The following THSD7A variants were observed in gnomAD, a reference collection of about 807,000 sequenced individuals.
The protein encoded by THSD7A is thrombospondin type-1 domain-containing protein 7A.
A neutral mutation model predicts 231.3 loss-of-function variants in THSD7A; 96 were observed. That is an observed-to-expected ratio of 0.41 (90% confidence interval 0.35 to 0.49). The LOEUF is 0.49. Among genes scored for constraint, THSD7A ranks in the 20% least tolerant of loss-of-function variants. The pLI, the probability that THSD7A is intolerant of heterozygous loss-of-function variation, is 0.05. For missense variants in THSD7A, 2,290 were observed against 2,070.2 expected (o/e 1.11, Z -2.06); for synonymous variants, 940 against 743.3 (o/e 1.26, Z -4.30).
intron 4 of THSD7A, among the ~76,000 whole-genome samples, chr7:11,549,670 C>T (rs1789542708): frequency 6.6e-6 from 1 of 152,046 alleles, no homozygotes. Flanking sequence ...AGCAAACTAA[C>T]ACAGGAAAAG....
chr7:11,468,961 T>C (rs1257032549), intron 9 of THSD7A, among the ~76,000 whole-genome samples: 1 of 152,086 alleles, frequency 6.6e-6, no homozygotes, highest in Non-Finnish European at 1.5e-5. Flanking sequence ...TTCAACTATA[T>C]AAAAATATAG....
chr7:11,672,113 A>G (rs1287299146), intron 1 of THSD7A, among the ~76,000 whole-genome samples: 1 of 152,156 alleles, frequency 6.6e-6, no homozygotes, highest in African/African-American at 2.4e-5. Flanking sequence ...CTTCTGGCAT[A>G]GTTGACATCA....
chr7:11,578,457 A>T (rs1791013965), intron 4 of THSD7A, among the ~76,000 whole-genome samples: 1 of 152,228 alleles, frequency 6.6e-6, no homozygotes. Flanking sequence ...TTTTTAAAAG[A>T]TATTTCCAAA....
intron 1 of THSD7A, among the ~76,000 whole-genome samples, chr7:11,743,919 T>C (rs1024353368): frequency 1.3e-5 from 2 of 151,928 alleles, no homozygotes; most frequent in Admixed American, 6.6e-5. Context: ...GCTTTGCGCA[T>C]ATTGCTAACT....
At position 11,636,458 on chromosome 7, in the gene THSD7A, AGCC is replaced by A. The variant is rs1334875759; in HGVS notation, c.691_693del (p.Gly231del). ...ACCTGGAACTCCGTCAGGTTTGGAC[AGCC>A]AGAGCCTCCGAACTGCGGGGGCGCC... On this transcript the variant is annotated inframe_deletion, in exon 2 of 28. Transcript: ENST00000423059. This position sits in a 1 kb window ranked among gnomAD's most constrained non-coding sequence, Gnocchi z 10.0. 3.1e-6 allele frequency: 5 copies of A among 1,613,572 alleles called. No individual in the cohort carries two copies. The highest frequency in any genetic ancestry group is 4.2e-6 in the Non-Finnish European group (5 of 1,179,804).
At chr7:11,469,580 C>A (rs560671387) in intron 9 of THSD7A, among the ~76,000 whole-genome samples, 5 of 152,152 alleles carry the variant, frequency 3.3e-5, no homozygotes, top group African/African-American at 1.2e-4. Context: ...ACATATACCA[C>A]GATATATTCC....
At chr7:11,476,318 T>TATACAC (rs1786174130) in intron 7 of THSD7A, among the ~76,000 whole-genome samples, 1 of 137,300 alleles carries the variant, frequency 7.3e-6, no homozygotes, top group African/African-American at 2.7e-5. Context: ...CTCTGGAAGA[T>TATACAC]ACACACACAC....
At chr7:11,557,008 AT>A (rs1182715201) in intron 4 of THSD7A, among the ~76,000 whole-genome samples, 3 of 152,066 alleles carry the variant, frequency 2.0e-5, no homozygotes, top group Non-Finnish European at 4.4e-5. Context: ...CTTACAACAT[AT>A]GAGAAGTGTT....
chr7:11,590,963 C>T lies in THSD7A; in HGVS notation c.1272-322G>A, dbSNP rs1780139497. Among the ~76,000 whole-genome samples, 1 of 152,072 alleles carries T rather than the reference C, an allele frequency of 6.6e-6. No homozygotes were observed. Among genetic ancestry groups the T allele is most frequent in the Non-Finnish European group, 1.5e-5 (1 of 67,998 alleles). On this transcript the variant is annotated intron_variant, in intron 3 of 27. Transcript: ENST00000423059. This position sits in a 1 kb window ranked among gnomAD's most constrained non-coding sequence, Gnocchi z 4.4. ...TAAGCTGAACCCAGGCTTGCCCTTT[C>T]TTGTTGCCTATAAACAAAGGTGGAT...
intron 6 of THSD7A, among the ~76,000 whole-genome samples, chr7:11,483,149 G>T (rs765713279): frequency 1.1e-4 from 17 of 152,150 alleles, no homozygotes; most frequent in African/African-American, 3.9e-4. Flanking sequence ...CCTTACAGAG[G>T]CTACTGAACA....
intron 7 of THSD7A, among the ~76,000 whole-genome samples, chr7:11,478,764 G>A (rs759470686): frequency 1.3e-5 from 2 of 152,014 alleles, no homozygotes; most frequent in Non-Finnish European, 2.9e-5. Context: ...CTGGATTGGG[G>A]CCATCGATAG....
chr7:11,782,386 A>G (rs1783660427), intron 1 of THSD7A, among the ~76,000 whole-genome samples: 1 of 152,136 alleles, frequency 6.6e-6, no homozygotes, highest in Non-Finnish European at 1.5e-5. Context: ...AAGATAAAGA[A>G]AGCTTTTAAT....
In THSD7A at chr7:11,537,429, C is replaced by A. The variant is rs551596128; in HGVS notation, c.1822+3990G>T. Among the ~76,000 whole-genome samples, 9 of 152,254 alleles carry A rather than the reference C, an allele frequency of 5.9e-5. No individual in the cohort carries two copies. In the South Asian group the frequency reaches 1.9e-3, roughly 32 times the overall value. On this transcript the variant is annotated intron_variant, in intron 6 of 27. Coordinates refer to ENST00000423059, the MANE Select transcript of THSD7A (RefSeq NM_015204.3). Reference sequence around the variant, plus strand: ...TCTTATGAACGCTTTAGCACTATCTCCTTGGTGCTGGCCTTATGATAGTGA... The same window carrying A: ...TCTTATGAACGCTTTAGCACTATCTACTTGGTGCTGGCCTTATGATAGTGA...
At chr7:11,822,036 C>T (rs1232338938) in intron 1 of THSD7A, among the ~76,000 whole-genome samples, 1 of 152,042 alleles carries the variant, frequency 6.6e-6, no homozygotes, top group Non-Finnish European at 1.5e-5. Flanking sequence ...TTTCCCTCAC[C>T]CTTTCCCAAT....
intron 1 of THSD7A, among the ~76,000 whole-genome samples, chr7:11,793,216 C>T (rs531339479): frequency 1.9e-4 from 29 of 151,580 alleles, no homozygotes; most frequent in Middle Eastern, 3.4e-3. Flanking sequence ...TTCAAGATGC[C>T]GAAATTTTAA....
At chr7:11,681,804 G>A (rs1442948213) in intron 1 of THSD7A, among the ~76,000 whole-genome samples, 1 of 151,646 alleles carries the variant, frequency 6.6e-6, no homozygotes, top group African/African-American at 2.4e-5. Flanking sequence ...AAGACACATA[G>A]TGAGCAGAAT....
intron 11 of THSD7A, among the ~76,000 whole-genome samples, chr7:11,449,895 T>C (rs886091539): frequency 2.0e-5 from 3 of 152,066 alleles, no homozygotes; most frequent in African/African-American, 7.2e-5. Flanking sequence ...AAGAATGATA[T>C]ATTTGGAAAA....
At chr7:11,437,111 T>C (rs543387593) in intron 13 of THSD7A, among the ~76,000 whole-genome samples, 47 of 152,246 alleles carry the variant, frequency 3.1e-4, no homozygotes, top group African/African-American at 9.6e-4. Context: ...CAGGATCTAT[T>C]GGAGGCTATG....
At chr7:11,533,335 T>A (rs1262962300) in intron 6 of THSD7A, among the ~76,000 whole-genome samples, 1 of 151,988 alleles carries the variant, frequency 6.6e-6, no homozygotes, top group African/African-American at 2.4e-5. Context: ...GAGCTCAGAA[T>A]GAAAGAATCA....
Sources: allele counts gnomAD v4.1 joint callset (sites outside exome capture counted in the v4.1 genomes callset), GRCh38; gene constraint gnomAD v4.1.1; non-coding constraint Gnocchi (gnomAD v3.1); transcripts MANE v1.5; gene names NCBI Gene and HGNC (gene_info 2026-07-23, HGNC 2026-07-21).